The following PRSS16 variants were observed in gnomAD, a reference collection of about 807,000 sequenced individuals.
The protein encoded by PRSS16 is serine protease 16, also known as thymus-specific serine protease.
Under a neutral mutation model 61.7 loss-of-function variants are expected in PRSS16, and 43 were observed. The observed-to-expected ratio is 0.70, with a 90% CI of 0.55 to 0.90. PRSS16 has a LOEUF of 0.90. PRSS16 is among the 40% of genes least tolerant of loss of function. PRSS16 has a pLI of 0.00. For missense variants in PRSS16, 591 were observed against 659.1 expected (o/e 0.90, Z 1.13); for synonymous variants, 273 against 285.2 (o/e 0.96, Z 0.43).
intron 9 of PRSS16, 145 bp from the exon 10 acceptor site, chr6:27,254,548 T>C: frequency 1.3e-6 from 1 of 771,480 alleles, no homozygotes; most frequent in Non-Finnish European, 2.1e-6. Context: ...GGGGACTGTG[T>C]GAGTCTGTCT....
In PRSS16 at chr6:27,249,243, G is replaced by A. The variant is rs755195658; in HGVS notation, c.467+14G>A. On this transcript the variant is annotated intron_variant, in intron 4 of 11. Transcript: ENST00000230582. ...CAGCCGCCTTGCGTGAGTGGAGGAA[G>A]GGAAAGTGTTTATGGTCAAAGGACA... 8 of 1,611,602 alleles carry A rather than the reference G, an allele frequency of 5.0e-6. No homozygotes were observed. The highest frequency in any genetic ancestry group is 2.2e-5 in the East Asian group (1 of 44,882).
rs1192538037 is a variant in PRSS16, at chr6:27,251,168, C to T, written c.669+49C>T. The T allele has an allele frequency of 1.2e-6, 2 of 1,613,900 alleles. No individual in the cohort carries two copies. The highest frequency in any genetic ancestry group is 2.2e-5 in the East Asian group (1 of 44,850). On this transcript the variant is annotated intron_variant, in intron 6 of 11. Transcript: ENST00000230582. The surrounding 1 kb of genome is among the most constrained non-coding windows in gnomAD (Gnocchi z 5.6). ...CGGGACGGGGAGGGGTCCCAGCGGG[C>T]GGAGTCCCTTGACACTTCCGGATAC...
At position 27,251,512 on chromosome 6, in the gene PRSS16, A is replaced by G. The variant is rs1759897066; in HGVS notation, c.718-238A>G. The G allele has an allele frequency of 6.3e-6, 4 of 639,554 alleles. No individual in the cohort carries two copies. In the South Asian group the frequency reaches 6.9e-5, roughly 11 times the overall value. The allele number at this position is 639,554 out of a possible 1,614,324, so 39.6% of individuals were successfully genotyped here. ...CAATCCTATCCGGAGGTGAGGCTCA[A>G]GGTGGGGCGGGGCCACAATGGAGGA... On this transcript the variant is annotated intron_variant, in intron 7 of 11. Coordinates refer to ENST00000230582, the MANE Select transcript of PRSS16 (RefSeq NM_005865.4). The surrounding 1 kb of genome is among the most constrained non-coding windows in gnomAD (Gnocchi z 5.6).
At chr6:27,254,619 GC>G in intron 9 of PRSS16, 73 bp from the exon 10 acceptor site, 5 of 1,398,300 alleles carry the variant, frequency 3.6e-6, no homozygotes, top group African/African-American at 1.4e-5. Context: ...ACTGAGGAAA[GC>G]TTTGAAAATG....
rs1327883760 is a variant in PRSS16 at position 27,251,307 on chromosome 6, G to C, written c.717+43G>C. On this transcript the variant is annotated intron_variant, in intron 7 of 11. Transcript: ENST00000230582. The surrounding 1 kb of genome is among the most constrained non-coding windows in gnomAD (Gnocchi z 5.6). The stretch of plus-strand genomic sequence containing the variant: ...GTCCGAGGGGGACTGGGAGGGAAAA[G>C]AGGCCTCGGATGCCAGGGAAGAGGA... 17 of 1,555,426 alleles carry C rather than the reference G, an allele frequency of 1.1e-5. No individual in the cohort carries two copies. Among genetic ancestry groups the C allele is most frequent in the Non-Finnish European group, 1.4e-5 (16 of 1,153,510 alleles).
chr6:27,250,703 C>T lies in PRSS16; in HGVS notation c.488C>T (p.Ala163Val), dbSNP rs367779428. The T allele has an allele frequency of 8.1e-6, 13 of 1,612,766 alleles. 1 individual carries two copies. The South Asian group carries it at 1.4e-4, about 18-fold the overall frequency. Residue 163 changes from alanine to valine, a missense_variant, in exon 5 of 12, where the codon GCC becomes GTC. Ala to Val is a moderately conservative substitution (Grantham distance 64). Transcript: ENST00000230582. Reference sequence around the variant, plus strand: ...CCTAGGCTGGCTGATGTGGTCTCTGCCCGCCTGGCACTTTCCCGCCTCTTT... The same window carrying T: ...CCTAGGCTGGCTGATGTGGTCTCTGTCCGCCTGGCACTTTCCCGCCTCTTT... ...SRLALADVVS[A>V]RLALSRLFNI...
At position 27,251,148 on chromosome 6, in the gene PRSS16, C is replaced by G. The variant is rs780795427; in HGVS notation, c.669+29C>G. The G allele has an allele frequency of 2.5e-6, 4 of 1,613,856 alleles. No homozygotes were observed. In the East Asian group the frequency reaches 6.7e-5, roughly 27 times the overall value. On this transcript the variant is annotated intron_variant, in intron 6 of 11. Coordinates refer to ENST00000230582, the MANE Select transcript of PRSS16 (RefSeq NM_005865.4). The surrounding 1 kb of genome is among the most constrained non-coding windows in gnomAD (Gnocchi z 5.6). ...AGGATGGCGGGCAGCAGGTGCGGGA[C>G]GGGGAGGGGTCCCAGCGGGCGGAGT... is the stretch of plus-strand genomic sequence containing the variant.
At chr6:27,253,088 G>A in intron 9 of PRSS16, 139 bp downstream of exon 9, 3 of 1,137,562 alleles carry the variant, frequency 2.6e-6, no homozygotes, top group Middle Eastern at 2.7e-4. Flanking sequence ...TTGGGCTGGA[G>A]AAGGTGGAAG....
chr6:27,249,345 T>G, intron 4 of PRSS16, 116 bp downstream of exon 4: 1 of 1,311,154 alleles, frequency 7.6e-7, no homozygotes, highest in East Asian at 2.4e-5. Flanking sequence ...GAGTCTCTGG[T>G]TCCCTCTGTT....
intron 3 of PRSS16, 23 bp from the exon 4 acceptor site, chr6:27,249,066 ACCTCCCCACCC>A: frequency 3.1e-6 from 3 of 960,826 alleles, no homozygotes; most frequent in African/African-American, 1.8e-5. Flanking sequence ...CTTGCATCTC[ACCTCCCCACCC>A]CCCACCCATA....
Position 27,251,439 on chromosome 6 carries a change from C to A in PRSS16, c.717+175C>A. On this transcript the variant is annotated intron_variant, in intron 7 of 11. Transcript: ENST00000230582. The surrounding 1 kb of genome is among the most constrained non-coding windows in gnomAD (Gnocchi z 5.6). ...GGCGGGAGCTGACGAAGAGGAGGGG[C>A]ACCAGGAAAAGAGGCGCTCCCCAGA... The A allele has an allele frequency of 1.1e-6, 1 of 892,646 alleles. No homozygotes were observed. The highest frequency in any genetic ancestry group is 1.6e-6 in the Non-Finnish European group (1 of 608,000). The allele number at this position is 892,646 out of a possible 1,614,324, so 55.3% of individuals were successfully genotyped here.
intron 2 of PRSS16, among the ~76,000 whole-genome samples, chr6:27,248,281 T>G (rs1467235167): frequency 6.6e-6 from 1 of 151,856 alleles, no homozygotes; most frequent in Non-Finnish European, 1.5e-5. Flanking sequence ...ATCTTGCCCT[T>G]CACCATTTCT....
Position 27,249,126 on chromosome 6 carries a change from T to TGGGGCGCCCTG in PRSS16, c.366_376dup (p.Val126GlyfsTer5). The TGGGGCGCCCTG allele has an allele frequency of 1.3e-6, 2 of 1,561,700 alleles. No homozygotes were observed. Among genetic ancestry groups the TGGGGCGCCCTG allele is most frequent in the South Asian group, 2.2e-5 (2 of 90,064 alleles). Reference sequence around the variant, plus strand: ...CCATCCCGCAGCCTTGGCCCCAGCCTGGGGCGCCCTGGTGATAAGCCTGGA... The same window carrying TGGGGCGCCCTG: ...CCATCCCGCAGCCTTGGCCCCAGCCTGGGGCGCCCTGGGGGCGCCCTGGTGATAAGCCTGGA... On this transcript the variant is annotated frameshift_variant, in exon 4 of 12. Coordinates refer to ENST00000230582, the MANE Select transcript of PRSS16 (RefSeq NM_005865.4). LOFTEE classifies it high-confidence loss of function.
At position 27,248,041 on chromosome 6, in the gene PRSS16, T is replaced by A. The variant is rs765246120; in HGVS notation, c.230T>A (p.Phe77Tyr). 3.7e-6 allele frequency: 6 copies of A among 1,613,322 alleles called. No individual in the cohort carries two copies. The highest frequency in any genetic ancestry group is 3.3e-5 in the Admixed American group (2 of 59,888). ...TTCAACGTGTCCGACAGACGATCCT[T>A]CCTACAGGTGAGGCCGGGAGACGGG... The part of the protein sequence containing the change: ...DPFNVSDRRS[F>Y]LQRYWVNDQH... Residue 77 changes from phenylalanine (F) to tyrosine (Y), a missense_variant, in exon 2 of 12, where the codon TTC (phenylalanine) becomes TAC (tyrosine). By Grantham distance (22) the Phe-to-Tyr change is conservative. Coordinates refer to ENST00000230582, the MANE Select transcript of PRSS16 (RefSeq NM_005865.4).
chr6:27,252,206 G>A lies in PRSS16; in HGVS notation c.1008+166G>A. 1 of 851,060 alleles carries A rather than the reference G, an allele frequency of 1.2e-6. No individual in the cohort carries two copies. The highest frequency in any genetic ancestry group is 1.7e-6 in the Non-Finnish European group (1 of 582,454). 52.7% of individuals were successfully genotyped at this position (851,060 alleles called of 1,614,324 possible). A position where few individuals can be genotyped will look rare whatever the true frequency, so the allele number is the denominator to read the frequency against. On this transcript the variant is annotated intron_variant, in intron 8 of 11. Coordinates refer to ENST00000230582, the MANE Select transcript of PRSS16 (RefSeq NM_005865.4). The surrounding 1 kb of genome is among the most constrained non-coding windows in gnomAD (Gnocchi z 4.2). ...GCCGATGGGAAGATGAAATGAGGCGGGTCATGTAGAGCAATCAGCTGGGAG... is the reference window on the plus strand; with the variant it reads ...GCCGATGGGAAGATGAAATGAGGCGAGTCATGTAGAGCAATCAGCTGGGAG...
chr6:27,252,151 A>C lies in PRSS16; in HGVS notation c.1008+111A>C. 2.3e-6 allele frequency: 3 copies of C among 1,281,706 alleles called. No homozygotes were observed. Among genetic ancestry groups the C allele is most frequent in the Non-Finnish European group, 3.1e-6 (3 of 966,620 alleles). 79.4% of individuals were successfully genotyped at this position (1,281,706 alleles called of 1,614,324 possible). On this transcript the variant is annotated intron_variant, in intron 8 of 11. Transcript: ENST00000230582. This position sits in a 1 kb window ranked among gnomAD's most constrained non-coding sequence, Gnocchi z 4.2. ...ACCTTCTCTGAAACTTCGTTTTCTC[A>C]TCTGTAAAATGGGGATAACACTTCA...
rs774394499 is a variant in PRSS16, at chr6:27,252,204, CG to C, written c.1008+167del. The C allele has an allele frequency of 1.6e-4, 136 of 874,220 alleles. No homozygotes were observed. Among genetic ancestry groups the C allele is most frequent in the Middle Eastern group, 1.0e-3 (3 of 2,858 alleles). The allele number at this position is 874,220 out of a possible 1,614,324, so 54.2% of individuals were successfully genotyped here. On this transcript the variant is annotated intron_variant, in intron 8 of 11. Transcript: ENST00000230582. The surrounding 1 kb of genome is among the most constrained non-coding windows in gnomAD (Gnocchi z 4.2). ...GGGCCGATGGGAAGATGAAATGAGGCGGGTCATGTAGAGCAATCAGCTGGGA... is the reference window on the plus strand; with the variant it reads ...GGGCCGATGGGAAGATGAAATGAGGCGGTCATGTAGAGCAATCAGCTGGGA...
Position 27,251,849 on chromosome 6 carries a change from G to C in PRSS16, c.817G>C (p.Gly273Arg). ...AALRTELSAC[G>R]PLGRAENQAE... ...ATTGCGGACGGAGCTGAGCGCTTGC[G>C]GGCCCCTGGGCCGCGCTGAAAACCA... is the stretch of plus-strand genomic sequence containing the variant. The change falls in exon 8 of 12, where the codon GGG becomes CGG. Residue 273 changes from glycine to arginine, a missense_variant. Gly to Arg is a moderately radical substitution (Grantham distance 125, BLOSUM62 -2). Coordinates refer to ENST00000230582, the MANE Select transcript of PRSS16 (RefSeq NM_005865.4). This position sits in a 1 kb window ranked among gnomAD's most constrained non-coding sequence, Gnocchi z 5.6. The C allele has an allele frequency of 6.2e-7, 1 of 1,612,932 alleles. No homozygotes were observed. Among genetic ancestry groups the C allele is most frequent in the East Asian group, 2.2e-5 (1 of 44,862 alleles).
rs1760010065 is a variant in PRSS16, at chr6:27,255,412, C to G, written c.*97C>G. The G allele has an allele frequency of 1.5e-6, 2 of 1,292,166 alleles. No individual in the cohort carries two copies. Among genetic ancestry groups the G allele is most frequent in the Non-Finnish European group, 2.1e-6 (2 of 930,284 alleles). 80.0% of individuals were successfully genotyped at this position (1,292,166 alleles called of 1,614,324 possible). On this transcript the variant is annotated 3_prime_UTR_variant, in exon 12 of 12. Transcript: ENST00000230582. This position sits in a 1 kb window ranked among gnomAD's most constrained non-coding sequence, Gnocchi z 4.4. ...GCAGCTTGTTTTGAAAGAAGAAACT[C>G]CCAGGAATTGGAATTCAGCACCTGT... is the stretch of plus-strand genomic sequence containing the variant.
Sources: allele counts gnomAD v4.1 joint callset (sites outside exome capture counted in the v4.1 genomes callset), GRCh38; gene constraint gnomAD v4.1.1; non-coding constraint Gnocchi (gnomAD v3.1); transcripts MANE v1.5; gene names NCBI Gene and HGNC (gene_info 2026-07-23, HGNC 2026-07-21).